NGLY1: variants seen among roughly 807,000 people sequenced by gnomAD.
The protein encoded by NGLY1 is peptide-N(4)-(N-acetyl-beta-glucosaminyl)asparagine amidase.
NGLY1 carries 68 observed loss-of-function variants against 84.6 expected under a neutral mutation model. That is an observed-to-expected ratio of 0.80 (90% CI 0.66 to 0.98). The LOEUF (loss-of-function observed/expected upper bound fraction) is 0.98, where lower values mean the gene tolerates loss of function less well. NGLY1 is among the 50% of genes least tolerant of loss of function. The probability of loss-of-function intolerance (pLI) is 0.00; values close to 1 mark genes in which losing one functional copy is unlikely to be tolerated. For missense variants in NGLY1, 779 were observed against 770.2 expected (o/e 1.01, Z -0.14); for synonymous variants, 280 against 275.2 (o/e 1.02, Z -0.17).
At position 25,764,149 on chromosome 3, in the gene NGLY1, T is replaced by C. The variant is rs372479316; in HGVS notation, c.409A>G (p.Thr137Ala). Residue 137 changes from threonine (T) to alanine (A), a missense_variant, in exon 3 of 12, where the codon ACA becomes GCA. By Grantham distance (58) the Thr-to-Ala change is moderately conservative. Coordinates refer to ENST00000280700, the MANE Select transcript of NGLY1 (RefSeq NM_018297.4). The part of the protein sequence containing the change: ...QPAASTQLPT[T>A]PSSNPSGLNQ... The stretch of plus-strand genomic sequence containing the variant: ...AACCCACTGGGATTTGAAGATGGTG[T>C]TGTAGGAAGCTGGGTACTGGCTGCA... 2 of 1,614,078 alleles carry C rather than the reference T, an allele frequency of 1.2e-6. No homozygotes were observed. The highest frequency in any genetic ancestry group is 2.7e-5 in the African/African-American group (2 of 74,930).
chr3:25,789,721 C>A, intron 1 of NGLY1: 2 of 1,106,442 alleles, frequency 1.8e-6, no homozygotes, highest in Admixed American at 2.1e-5. Flanking sequence ...ATAGCAATAA[C>A]TTTGAAACTG....
At chr3:25,750,696 T>C (rs940349349) in intron 4 of NGLY1, among the ~76,000 whole-genome samples, 2 of 152,216 alleles carry the variant, frequency 1.3e-5, no homozygotes, top group African/African-American at 4.8e-5. Flanking sequence ...ATGAGGTATA[T>C]GCAATAAAAT....
chr3:25,731,927 A>G (rs944110771), intron 9 of NGLY1, among the ~76,000 whole-genome samples: 1 of 152,122 alleles, frequency 6.6e-6, no homozygotes, highest in Non-Finnish European at 1.5e-5. Context: ...GCAGTGGGGA[A>G]AGAAACTCAC....
In NGLY1 at chr3:25,783,188, C is replaced by T. The variant is rs1000928462; in HGVS notation, c.131+72G>A. The T allele has an allele frequency of 1.1e-4, 153 of 1,420,376 alleles. No individual in the cohort carries two copies. Among genetic ancestry groups the T allele is most frequent in the Middle Eastern group, 2.3e-4 (1 of 4,400 alleles). 88.0% of individuals were successfully genotyped at this position (1,420,376 alleles called of 1,614,324 possible). A position where few individuals can be genotyped will look rare whatever the true frequency, so the allele number is the denominator to read the frequency against. ...CCTCTGAAGCTCAGGCCGGACGCCCCAGTCCCTGGCCGAACAAGGTGCCGC... is the reference window on the plus strand; with the variant it reads ...CCTCTGAAGCTCAGGCCGGACGCCCTAGTCCCTGGCCGAACAAGGTGCCGC... On this transcript the variant is annotated intron_variant, in intron 1 of 11. Transcript: ENST00000280700. The surrounding 1 kb of genome is among the most constrained non-coding windows in gnomAD (Gnocchi z 4.5).
At chr3:25,774,190 T>C (rs995017315) in intron 2 of NGLY1, among the ~76,000 whole-genome samples, 1 of 152,244 alleles carries the variant, frequency 6.6e-6, no homozygotes, top group Admixed American at 6.5e-5. Context: ...TTCTCTTTTC[T>C]TGGGGCAGAG....
rs2125485250 is a variant in NGLY1 at position 25,739,680 on chromosome 3, T to C, written c.778A>G (p.Arg260Gly). The C allele has an allele frequency of 6.2e-7, 1 of 1,614,134 alleles. No individual in the cohort carries two copies. The highest frequency in any genetic ancestry group is 8.5e-7 in the Non-Finnish European group (1 of 1,179,994). The change falls in exon 5 of 12, where the codon AGA becomes GGA. Residue 260 changes from arginine to glycine, a missense_variant. Coordinates refer to ENST00000280700, the MANE Select transcript of NGLY1 (RefSeq NM_018297.4). ...TCACTGGGCAGTAATGATCTATCTCTAGACCTAGTCTGTCCACCACATTTG... is the reference window on the plus strand; with the variant it reads ...TCACTGGGCAGTAATGATCTATCTCCAGACCTAGTCTGTCCACCACATTTG... ...CSKCGGQTRS[R>G]DRSLLPSDDE...
At chr3:25,758,354 T>C (rs557434301) in intron 3 of NGLY1, among the ~76,000 whole-genome samples, 3 of 152,220 alleles carry the variant, frequency 2.0e-5, no homozygotes, top group Non-Finnish European at 2.9e-5. Flanking sequence ...GGCAGGCGGA[T>C]TGCTTGAGAC....
intron 3 of NGLY1, among the ~76,000 whole-genome samples, chr3:25,762,170 A>G (rs1446020255): frequency 1.3e-5 from 2 of 152,110 alleles, no homozygotes; most frequent in African/African-American, 2.4e-5. Flanking sequence ...AAAAAAAGTT[A>G]TAAGTTCACT....
chr3:25,781,482 C>T (rs1460558891), intron 1 of NGLY1, among the ~76,000 whole-genome samples: 1 of 152,118 alleles, frequency 6.6e-6, no homozygotes, highest in Non-Finnish European at 1.5e-5. Flanking sequence ...GACTTCAAAC[C>T]CATCATATCC....
intron 10 of NGLY1, among the ~76,000 whole-genome samples, chr3:25,724,588 G>T (rs1298515411): frequency 6.6e-6 from 1 of 151,998 alleles, no homozygotes; most frequent in Non-Finnish European, 1.5e-5. Flanking sequence ...TTACATAATT[G>T]CAAGGTAATC....
intron 3 of NGLY1, among the ~76,000 whole-genome samples, chr3:25,762,125 A>G (rs1158354884): frequency 2.0e-5 from 3 of 152,000 alleles, no homozygotes; most frequent in East Asian, 3.9e-4. Flanking sequence ...TAACTTATAC[A>G]TCGACATTTT....
At chr3:25,789,105 CAG>C (rs1430214109) in intron 1 of NGLY1, among the ~76,000 whole-genome samples, 2 of 152,194 alleles carry the variant, frequency 1.3e-5, no homozygotes, top group African/African-American at 4.8e-5. Context: ...ATGTGAAAAA[CAG>C]ATGTTCGATG....
intron 9 of NGLY1, chr3:25,729,727 G>C (rs1263576721): frequency 6.6e-6 from 1 of 152,468 alleles, no homozygotes; most frequent in African/African-American, 2.4e-5. Flanking sequence ...ATGTAAACTA[G>C]GATATGTCAC....
upstream of NGLY1, among the ~76,000 whole-genome samples, chr3:25,786,758 A>G (rs920327395): frequency 1.3e-5 from 2 of 152,244 alleles, no homozygotes; most frequent in African/African-American, 4.8e-5. Context: ...GGTGATTTCC[A>G]TGATTTTATG....
Position 25,773,010 on chromosome 3 carries a change from T to C in NGLY1, c.246+5564A>G, listed in dbSNP as rs372793967. Reference sequence around the variant, plus strand: ...ACTGAGAAATCTGCTGTTAATCTGATAGGTGTTCCTTTTTAGGTTATCTGA... The same window carrying C: ...ACTGAGAAATCTGCTGTTAATCTGACAGGTGTTCCTTTTTAGGTTATCTGA... On this transcript the variant is annotated intron_variant, in intron 2 of 11. Transcript: ENST00000280700. Among the ~76,000 whole-genome samples, 47 of 152,342 alleles carry C rather than the reference T, an allele frequency of 3.1e-4. No individual in the cohort carries two copies. The East Asian group carries it at 6.4e-3, about 21-fold the overall frequency.
chr3:25,778,185 T>C, intron 2 of NGLY1: 1 of 153,446 alleles, frequency 6.5e-6, no homozygotes, highest in Non-Finnish European at 1.5e-5. Context: ...GCAGCTCAAC[T>C]CAGTTTTTCT....
At chr3:25,732,566 CT>C in intron 8 of NGLY1, 83 bp from the exon 9 acceptor site, 2 of 968,488 alleles carry the variant, frequency 2.1e-6, no homozygotes, top group Non-Finnish European at 3.0e-6. Flanking sequence ...ACTTAAAACA[CT>C]TGCATTTTAA....
At chr3:25,781,320 A>G (rs537917708) in intron 1 of NGLY1, among the ~76,000 whole-genome samples, 5 of 152,326 alleles carry the variant, frequency 3.3e-5, no homozygotes, top group Non-Finnish European at 7.3e-5. Context: ...GTATACTGCA[A>G]ACAGGCTCCA....
rs6550987 is a variant in NGLY1 at position 25,733,865 on chromosome 3, A to C, written c.1260+7T>G. 0.85 allele frequency: 1,369,533 copies of C among 1,602,158 alleles called. 586,993 individuals carry two copies. Among genetic ancestry groups the C allele is most frequent in the East Asian group, 0.93 (41,651 of 44,656 alleles). On this transcript the variant is annotated splice_region_variant and intron_variant, in intron 8 of 11. Transcript: ENST00000280700. ...CTGTTCTTTCAAAAAAGATAGCCAC[A>C]CCATACCTGCTTATTAAGCCCATTA...
Sources: allele counts gnomAD v4.1 joint callset (sites outside exome capture counted in the v4.1 genomes callset), GRCh38; gene constraint gnomAD v4.1.1; non-coding constraint Gnocchi (gnomAD v3.1); transcripts MANE v1.5; gene names NCBI Gene and HGNC (gene_info 2026-07-23, HGNC 2026-07-21).